SCLT1: variants seen among roughly 807,000 people sequenced by gnomAD.
The protein encoded by SCLT1 is sodium channel-associated protein 1.
Under a neutral mutation model 112.8 loss-of-function variants are expected in SCLT1, and 78 were observed. The observed-to-expected ratio is 0.69, with a 90% CI of 0.58 to 0.83. The LOEUF (loss-of-function observed/expected upper bound fraction) is 0.83, where lower values mean the gene tolerates loss of function less well. Ranked by LOEUF, SCLT1 falls within the 40% of genes least tolerant of loss-of-function variation. The pLI is 0.00. For missense variants in SCLT1, 747 were observed against 770.4 expected (o/e 0.97, Z 0.36); for synonymous variants, 257 against 254.7 (o/e 1.01, Z -0.09).
intron 18 of SCLT1, among the ~76,000 whole-genome samples, chr4:128,898,595 A>G (rs1733988280): frequency 6.6e-6 from 1 of 152,220 alleles, no homozygotes; most frequent in African/African-American, 2.4e-5. Context: ...TTGACACCCT[A>G]ACATCACAAT....
Position 129,008,473 on chromosome 4 carries a change from A to G in SCLT1, c.291-4597T>C, listed in dbSNP as rs569211551. ...TTGATTTTGTAGATGTTTTTGCATT[A>G]TCATGCTTGTGATGCATGGTGTTTC... On this transcript the variant is annotated intron_variant, in intron 5 of 20. Transcript: ENST00000281142. Among the ~76,000 whole-genome samples, 392 of 152,282 alleles carry G rather than the reference A, an allele frequency of 2.6e-3. 3 individuals are homozygous for G. The highest frequency in any genetic ancestry group is 9.2e-3 in the African/African-American group (384 of 41,556).
intron 18 of SCLT1, among the ~76,000 whole-genome samples, chr4:128,893,939 G>A (rs899114171): frequency 6.6e-6 from 1 of 151,612 alleles, no homozygotes; most frequent in Non-Finnish European, 1.5e-5. Context: ...TTTTTTGTTT[G>A]TTTGTTTGTT....
rs1035061709 is a variant in SCLT1, at chr4:129,093,015, AACG to A, written c.34+52_34+54del. 35 of 1,285,920 alleles carry A rather than the reference AACG, an allele frequency of 2.7e-5. 1 individual carries two copies. Among genetic ancestry groups the A allele is most frequent in the Admixed American group, 2.5e-4 (15 of 59,060 alleles). The allele number at this position is 1,285,920 out of a possible 1,614,324, so 79.7% of individuals were successfully genotyped here. A position where few individuals can be genotyped will look rare whatever the true frequency, so the allele number is the denominator to read the frequency against. The stretch of plus-strand genomic sequence containing the variant: ...AGCATTCAAAAAAGATTTGTCGGTC[AACG>A]ACGACGATATTAAACATTGTATATG... On this transcript the variant is annotated intron_variant, in intron 1 of 20. Transcript: ENST00000281142.
chr4:129,083,616 T>C (rs1752149843), intron 1 of SCLT1, among the ~76,000 whole-genome samples: 1 of 152,030 alleles, frequency 6.6e-6, no homozygotes, highest in Non-Finnish European at 1.5e-5. Flanking sequence ...TACAGTGAGC[T>C]ATGATTGCAC....
chr4:129,052,697 T>G (rs1337867553), intron 2 of SCLT1, among the ~76,000 whole-genome samples: 1 of 152,150 alleles, frequency 6.6e-6, no homozygotes, highest in Non-Finnish European at 1.5e-5. Flanking sequence ...ACTTATTAAT[T>G]TTTTGAAGGG....
intron 18 of SCLT1, among the ~76,000 whole-genome samples, chr4:128,927,433 G>T (rs1327064209): frequency 6.6e-6 from 1 of 151,996 alleles, no homozygotes; most frequent in East Asian, 1.9e-4. Flanking sequence ...AACTTAGCCA[G>T]CTGTGGTGGT....
At position 128,884,401 on chromosome 4, in the gene SCLT1, G is replaced by T. The variant is rs1183319923; in HGVS notation, c.*76C>A. On this transcript the variant is annotated 3_prime_UTR_variant, in exon 21 of 21. Transcript: ENST00000281142. ...AAGCCTTAACTATTATACTTTGCAG[G>T]CTTTACCATTTCAATACACTTCTAG... 2.3e-6 allele frequency: 2 copies of T among 855,704 alleles called. No individual in the cohort carries two copies. The highest frequency in any genetic ancestry group is 1.8e-5 in the Admixed American group (1 of 54,698). The allele number at this position is 855,704 out of a possible 1,614,324, so 53.0% of individuals were successfully genotyped here. A position where few individuals can be genotyped will look rare whatever the true frequency, so the allele number is the denominator to read the frequency against.
chr4:128,981,242 C>A (rs1741623549), intron 9 of SCLT1, among the ~76,000 whole-genome samples: 1 of 152,172 alleles, frequency 6.6e-6, no homozygotes, highest in Admixed American at 6.5e-5. Flanking sequence ...TTTGTCCATT[C>A]CTGGGCATAG....
intron 18 of SCLT1, among the ~76,000 whole-genome samples, chr4:128,903,380 G>A (rs1734470396): frequency 6.6e-6 from 1 of 152,016 alleles, no homozygotes; most frequent in South Asian, 2.1e-4. Flanking sequence ...TGACCAAAAT[G>A]TTATGTGGTA....
chr4:129,079,101 C>G (rs1751710632), intron 2 of SCLT1, among the ~76,000 whole-genome samples: 1 of 152,150 alleles, frequency 6.6e-6, no homozygotes, highest in Non-Finnish European at 1.5e-5. Context: ...GGCTCTCCTC[C>G]AACACTGGTG....
At chr4:129,021,945 T>C (rs1261347882) in intron 5 of SCLT1, among the ~76,000 whole-genome samples, 1 of 152,156 alleles carries the variant, frequency 6.6e-6, no homozygotes. Flanking sequence ...CCGGTGACTC[T>C]CTGGGATGGA....
At chr4:129,047,814 G>T (rs1288221822) in intron 2 of SCLT1, among the ~76,000 whole-genome samples, 4 of 151,896 alleles carry the variant, frequency 2.6e-5, no homozygotes. Flanking sequence ...CAGCTCATTT[G>T]CTCCTTTTTT....
At chr4:128,942,962 A>C in intron 17 of SCLT1, 34 bp downstream of exon 17, 2 of 1,474,706 alleles carry the variant, frequency 1.4e-6, no homozygotes, top group Non-Finnish European at 1.9e-6. Flanking sequence ...TTTGATTTTC[A>C]TAAGTACACA....
At chr4:129,032,027 C>T (rs1211185325) in intron 5 of SCLT1, among the ~76,000 whole-genome samples, 2 of 152,066 alleles carry the variant, frequency 1.3e-5, no homozygotes, top group African/African-American at 4.8e-5. Flanking sequence ...AAGCTGGAGA[C>T]AATCCTAAGC....
intron 2 of SCLT1, among the ~76,000 whole-genome samples, chr4:129,048,307 C>G (rs1350148435): frequency 1.3e-5 from 2 of 151,846 alleles, no homozygotes; most frequent in African/African-American, 4.8e-5. Context: ...CAGAACAGAG[C>G]CCTCAGAAAT....
At chr4:128,936,577 G>A in intron 18 of SCLT1, 78 bp downstream of exon 18, 1 of 803,728 alleles carries the variant, frequency 1.2e-6, no homozygotes, top group Non-Finnish European at 1.9e-6. Flanking sequence ...TTTTAAAAAA[G>A]ATTATGGCAA....
chr4:129,049,396 G>A lies in SCLT1; in HGVS notation c.103-5345C>T, dbSNP rs544791529. Among the ~76,000 whole-genome samples, 494 of 147,362 alleles carry A rather than the reference G, an allele frequency of 3.4e-3. 2 individuals are homozygous for A. The highest frequency in any genetic ancestry group is 0.012 in the African/African-American group (476 of 39,828). On this transcript the variant is annotated intron_variant, in intron 2 of 20. Coordinates refer to ENST00000281142, the MANE Select transcript of SCLT1 (RefSeq NM_144643.4). ...TCGCAAGGACAAAAAACCAAACACC[G>A]CATGTTCTCACTCATAGATGGGAAT...
At chr4:128,900,144 A>C (rs1269967919) in intron 18 of SCLT1, among the ~76,000 whole-genome samples, 1 of 152,174 alleles carries the variant, frequency 6.6e-6, no homozygotes, top group Non-Finnish European at 1.5e-5. Flanking sequence ...CAAGCTACCA[A>C]TGACTTTCTT....
chr4:128,979,919 ATCT>A (rs1741501644), intron 9 of SCLT1, among the ~76,000 whole-genome samples: 1 of 152,210 alleles, frequency 6.6e-6, no homozygotes, highest in Admixed American at 6.5e-5. Flanking sequence ...AAGTCTAATA[ATCT>A]TCTTACTGTC....
Sources: allele counts gnomAD v4.1 joint callset (sites outside exome capture counted in the v4.1 genomes callset), GRCh38; gene constraint gnomAD v4.1.1; transcripts MANE v1.5; gene names NCBI Gene and HGNC (gene_info 2026-07-23, HGNC 2026-07-21).